Variants in RBFOX1 observed in about 807,000 individuals in gnomAD.
The protein encoded by RBFOX1 is RNA binding fox-1 homolog 1.
Under a neutral mutation model 57.7 loss-of-function variants are expected in RBFOX1, and 8 were observed. The observed-to-expected ratio is 0.14, with a 90% confidence interval of 0.08 to 0.25. The LOEUF (loss-of-function observed/expected upper bound fraction) is 0.25. RBFOX1 is among the 10% of genes least tolerant of loss of function. RBFOX1 has a pLI of 1.00. For missense variants in RBFOX1, 611 were observed against 548.5 expected (o/e 1.11, Z -1.14); for synonymous variants, 326 against 222.4 (o/e 1.47, Z -4.15).
chr16:5,496,753 C>G (rs2043015478), intron 2 of RBFOX1, among the ~76,000 whole-genome samples: 1 of 152,166 alleles, frequency 6.6e-6, no homozygotes, highest in African/African-American at 2.4e-5. Flanking sequence ...TCTTTATTTG[C>G]AATCAGCTGC....
chr16:6,129,921 C>T (rs928433262), intron 1 of RBFOX1, among the ~76,000 whole-genome samples: 2 of 151,986 alleles, frequency 1.3e-5, no homozygotes, highest in African/African-American at 2.4e-5. Flanking sequence ...ACTGTCAACA[C>T]AGAATTGTAT....
At chr16:6,815,128 G>C (rs1024700823) in intron 3 of RBFOX1, among the ~76,000 whole-genome samples, 3 of 152,110 alleles carry the variant, frequency 2.0e-5, no homozygotes, top group Admixed American at 6.5e-5. Context: ...CGTAACTTCC[G>C]GGTGTTGCTA....
intron 5 of RBFOX1, among the ~76,000 whole-genome samples, chr16:7,562,183 A>T (rs1489802263): frequency 6.6e-6 from 1 of 152,180 alleles, no homozygotes; most frequent in East Asian, 1.9e-4. Context: ...TCCCAAAATT[A>T]GTTGGGTGCG....
intron 4 of RBFOX1, among the ~76,000 whole-genome samples, chr16:7,398,097 T>C (rs1051604801): frequency 5.3e-5 from 8 of 152,284 alleles, no homozygotes; most frequent in Admixed American, 3.3e-4. Flanking sequence ...TCATGAGTAA[T>C]TGATAAAGAA....
chr16:7,164,552 T>C (rs1344948801), intron 4 of RBFOX1, among the ~76,000 whole-genome samples: 1 of 152,208 alleles, frequency 6.6e-6, no homozygotes, highest in African/African-American at 2.4e-5. Flanking sequence ...GTAAAATTTA[T>C]ATACTATGTG....
At chr16:6,585,746 C>T (rs932885533) in intron 2 of RBFOX1, among the ~76,000 whole-genome samples, 1 of 151,874 alleles carries the variant, frequency 6.6e-6, no homozygotes, top group Non-Finnish European at 1.5e-5. Flanking sequence ...AACAGGTGTA[C>T]CTTTGCTGGT....
intron 1 of RBFOX1, among the ~76,000 whole-genome samples, chr16:6,309,897 T>C (rs1053670982): frequency 6.6e-6 from 1 of 152,196 alleles, no homozygotes; most frequent in African/African-American, 2.4e-5. Flanking sequence ...TTGACTTTAG[T>C]AGTAGTAGTA....
intron 1 of RBFOX1, among the ~76,000 whole-genome samples, chr16:6,263,249 A>G (rs1229759740): frequency 2.0e-5 from 3 of 152,182 alleles, no homozygotes; most frequent in Non-Finnish European, 2.9e-5. Context: ...CCATTTGTGT[A>G]GAAGTTCTTA....
chr16:5,363,901 A>T (rs760110950), intron 1 of RBFOX1, among the ~76,000 whole-genome samples: 1 of 152,180 alleles, frequency 6.6e-6, no homozygotes, highest in Non-Finnish European at 1.5e-5. Flanking sequence ...GTGGACGACC[A>T]GTGCTGACTG....
intron 2 of RBFOX1, among the ~76,000 whole-genome samples, chr16:5,596,499 C>T (rs981955036): frequency 1.3e-5 from 2 of 152,126 alleles, no homozygotes; most frequent in Non-Finnish European, 2.9e-5. Context: ...CTGCCTGGGG[C>T]AGGAGTGTGT....
At chr16:7,013,042 C>T (rs989751219) in intron 3 of RBFOX1, among the ~76,000 whole-genome samples, 1 of 152,034 alleles carries the variant, frequency 6.6e-6, no homozygotes, top group Non-Finnish European at 1.5e-5. Context: ...TCTTTCTCTC[C>T]TTTTAAGGGC....
Position 7,061,988 on chromosome 16 carries a change from C to A in RBFOX1, c.27+9890C>A, listed in dbSNP as rs2054437275. Among the ~76,000 whole-genome samples, 3 of 152,060 alleles carry A rather than the reference C, an allele frequency of 2.0e-5. No individual in the cohort carries two copies. In the South Asian group the frequency reaches 6.2e-4, roughly 32 times the overall value. ...GTAAGGAGCAAGAAACTCTCCTTTC[C>A]TGATGATGCAGACAAACCTGAGATG... On this transcript the variant is annotated intron_variant, in intron 4 of 15. Transcript: ENST00000550418.
At chr16:6,508,501 C>T (rs376813108) in intron 2 of RBFOX1, among the ~76,000 whole-genome samples, 1 of 152,098 alleles carries the variant, frequency 6.6e-6, no homozygotes, top group Non-Finnish European at 1.5e-5. Flanking sequence ...CAGCTAATCC[C>T]TTAAAACCTT....
intron 3 of RBFOX1, among the ~76,000 whole-genome samples, chr16:5,785,715 C>T (rs1265678609): frequency 1.3e-5 from 2 of 151,980 alleles, no homozygotes; most frequent in African/African-American, 4.8e-5. Context: ...TTAATAGAGA[C>T]AGGGTTTCTC....
At chr16:6,887,278 T>C (rs1478410703) in intron 3 of RBFOX1, among the ~76,000 whole-genome samples, 3 of 152,216 alleles carry the variant, frequency 2.0e-5, no homozygotes, top group Non-Finnish European at 4.4e-5. Context: ...TCTGCGAAGA[T>C]GTTTCAAAGT....
chr16:5,518,733 G>A (rs1048009248), intron 2 of RBFOX1, among the ~76,000 whole-genome samples: 13 of 152,286 alleles, frequency 8.5e-5, no homozygotes, highest in Non-Finnish European at 1.0e-4. Context: ...CAACTGTGAA[G>A]CGAAGGTCCC....
At chr16:7,380,094 G>A (rs1388598695) in intron 4 of RBFOX1, among the ~76,000 whole-genome samples, 1 of 152,158 alleles carries the variant, frequency 6.6e-6, no homozygotes, top group Admixed American at 6.5e-5. Context: ...TTGGCCTCAA[G>A]TAGTCCTCTG....
intron 2 of RBFOX1, among the ~76,000 whole-genome samples, chr16:6,456,027 A>T (rs1479962217): frequency 1.8e-5 from 1 of 55,288 alleles, no homozygotes; most frequent in African/African-American, 5.8e-5. Context: ...AAATGCAAAG[A>T]AAAGAAGAAA....
chr16:6,921,637 A>G (rs2074464574), intron 3 of RBFOX1, among the ~76,000 whole-genome samples: 1 of 60,930 alleles, frequency 1.6e-5, no homozygotes, highest in Non-Finnish European at 3.6e-5. Flanking sequence ...ATATATATAT[A>G]TATATATATT....
Sources: allele counts gnomAD v4.1 joint callset (sites outside exome capture counted in the v4.1 genomes callset), GRCh38; gene constraint gnomAD v4.1.1; transcripts MANE v1.5; gene names NCBI Gene and HGNC (gene_info 2026-07-23, HGNC 2026-07-21).